Variants in NKAIN3 observed in about 807,000 individuals in gnomAD.
The protein encoded by NKAIN3 is sodium/potassium-transporting ATPase subunit beta-1-interacting protein 3.
A neutral mutation model predicts 30.2 loss-of-function variants in NKAIN3; 25 were observed. The observed-to-expected ratio is 0.83, with a 90% confidence interval of 0.60 to 1.16. The LOEUF is 1.16. Among genes scored for constraint, NKAIN3 ranks in the 50% most tolerant of loss-of-function variants. The pLI is 0.00. For synonymous variants in NKAIN3, 91 were observed against 89.6 expected, an observed-to-expected ratio of 1.02 and a Z score of -0.09; for missense variants, 225 against 254.1, an observed-to-expected ratio of 0.89 and a Z score of 0.78.
chr8:62,842,987 A>G (rs1303842694), intron 4 of NKAIN3, among the ~76,000 whole-genome samples: 1 of 152,124 alleles, frequency 6.6e-6, no homozygotes, highest in African/African-American at 2.4e-5. Flanking sequence ...CAAAAGCACA[A>G]ATAGACAAAT....
At chr8:62,822,718 T>A (rs1463653271) in intron 4 of NKAIN3, among the ~76,000 whole-genome samples, 1 of 152,196 alleles carries the variant, frequency 6.6e-6, no homozygotes, top group Non-Finnish European at 1.5e-5. Context: ...CTTAGGGGAC[T>A]TCCTTTTGCC....
chr8:62,722,094 T>C (rs923800235), intron 3 of NKAIN3, among the ~76,000 whole-genome samples: 2 of 152,196 alleles, frequency 1.3e-5, no homozygotes, highest in East Asian at 3.9e-4. Flanking sequence ...GTTTTAAGAT[T>C]AGCCACTATC....
intron 4 of NKAIN3, among the ~76,000 whole-genome samples, chr8:62,787,587 G>C (rs1817563512): frequency 6.6e-6 from 1 of 152,110 alleles, no homozygotes; most frequent in Admixed American, 6.5e-5. Flanking sequence ...GTGCAGATTT[G>C]TTACATATGT....
rs1256706854 is a variant in NKAIN3 at position 62,966,059 on chromosome 8, A to G, written c.*652A>G. 4 of 983,694 alleles carry G rather than the reference A, an allele frequency of 4.1e-6. No homozygotes were observed. Among genetic ancestry groups the G allele is most frequent in the Non-Finnish European group, 4.8e-6 (4 of 828,354 alleles). The allele number at this position is 983,694 out of a possible 1,614,324, so 60.9% of individuals were successfully genotyped here. ...CTGATATATATATATATGTAGGCAC[A>G]TGGAAGAGTAAAAGGATTAGTAGAA... On this transcript the variant is annotated 3_prime_UTR_variant, in exon 7 of 7. Transcript: ENST00000623646.
rs551780297 is a variant in NKAIN3, at chr8:62,681,788, G to A, written c.274-65144G>A. The stretch of plus-strand genomic sequence containing the variant: ...ATATTGGTCATGCCGCTTTATAAAT[G>A]TATAATCTTGAGTAATTATTTAAAC... On this transcript the variant is annotated intron_variant, in intron 3 of 6. Transcript: ENST00000623646. 1.1e-4 allele frequency among the ~76,000 whole-genome samples: 17 copies of A among 152,252 alleles called. No homozygotes were observed. In the East Asian group the frequency reaches 2.5e-3, roughly 22 times the overall value.
intron 6 of NKAIN3, among the ~76,000 whole-genome samples, chr8:62,956,812 G>A (rs72656530): frequency 0.023 from 3,498 of 150,658 alleles, 54 homozygotes; most frequent in South Asian, 0.033. Flanking sequence ...AGCAGCCAAT[G>A]ATCTAGGAGG....
rs1823744303 is a variant in NKAIN3 at position 62,967,776 on chromosome 8, C to T, written c.*2369C>T. Reference sequence around the variant, plus strand: ...AGTATTGACATATTTTAAACTGTCACTTAATTACCCCCACACATACACATG... The same window carrying T: ...AGTATTGACATATTTTAAACTGTCATTTAATTACCCCCACACATACACATG... On this transcript the variant is annotated 3_prime_UTR_variant, in exon 7 of 7. Transcript: ENST00000623646. Among the ~76,000 whole-genome samples, 2 of 152,156 alleles carry T rather than the reference C, an allele frequency of 1.3e-5. No individual in the cohort carries two copies. Among genetic ancestry groups the T allele is most frequent in the South Asian group, 4.1e-4 (2 of 4,828 alleles).
intron 1 of NKAIN3, among the ~76,000 whole-genome samples, chr8:62,466,953 G>T (rs1806182170): frequency 6.6e-6 from 1 of 152,110 alleles, no homozygotes; most frequent in African/African-American, 2.4e-5. Flanking sequence ...ACATTTGCTT[G>T]CTTAAATTTC....
chr8:62,709,419 G>C (rs1054648706), intron 3 of NKAIN3, among the ~76,000 whole-genome samples: 1 of 151,820 alleles, frequency 6.6e-6, no homozygotes, highest in Non-Finnish European at 1.5e-5. Flanking sequence ...GTCTCTTCAG[G>C]GTATCCAATT....
chr8:62,478,784 AC>A (rs1362812984), intron 1 of NKAIN3, among the ~76,000 whole-genome samples: 1 of 152,170 alleles, frequency 6.6e-6, no homozygotes, highest in Non-Finnish European at 1.5e-5. Context: ...GGGGTTGCTG[AC>A]CCGTATTTTT....
intron 4 of NKAIN3, among the ~76,000 whole-genome samples, chr8:62,824,219 G>A (rs193294551): frequency 6.6e-6 from 1 of 152,158 alleles, no homozygotes; most frequent in Non-Finnish European, 1.5e-5. Flanking sequence ...TTCCGTGAAA[G>A]TATCTGAGCA....
intron 1 of NKAIN3, among the ~76,000 whole-genome samples, chr8:62,384,494 C>A (rs1817366051): frequency 6.6e-6 from 1 of 152,024 alleles, no homozygotes; most frequent in Non-Finnish European, 1.5e-5. Context: ...CTAACTTTTT[C>A]TTAATTTTTT....
intron 4 of NKAIN3, among the ~76,000 whole-genome samples, chr8:62,853,683 G>A (rs1021337478): frequency 6.6e-6 from 1 of 152,052 alleles, no homozygotes; most frequent in East Asian, 1.9e-4. Context: ...GATTTTTGAA[G>A]GGTTTTTCAT....
intron 4 of NKAIN3, among the ~76,000 whole-genome samples, chr8:62,758,818 G>C (rs1816542896): frequency 6.6e-6 from 1 of 152,164 alleles, no homozygotes; most frequent in South Asian, 2.1e-4. Flanking sequence ...GGTCCCTATT[G>C]CAATGACTGA....
intron 4 of NKAIN3, among the ~76,000 whole-genome samples, chr8:62,764,289 G>C (rs1816767287): frequency 6.6e-6 from 1 of 152,088 alleles, no homozygotes; most frequent in Admixed American, 6.6e-5. Context: ...AATAATGTGA[G>C]GTAGGCTTTA....
chr8:62,935,267 T>A (rs1002390047), intron 5 of NKAIN3, among the ~76,000 whole-genome samples: 1 of 152,158 alleles, frequency 6.6e-6, no homozygotes, highest in South Asian at 2.1e-4. Flanking sequence ...CATTATGTAA[T>A]CCTACATTAG....
In NKAIN3 at chr8:62,880,483, G is replaced by A. The variant is rs1439729844; in HGVS notation, c.472-37970G>A. Among the ~76,000 whole-genome samples, 4 of 152,316 alleles carry A rather than the reference G, an allele frequency of 2.6e-5. No individual in the cohort carries two copies. In the East Asian group the frequency reaches 7.7e-4, roughly 29 times the overall value. On this transcript the variant is annotated intron_variant, in intron 4 of 6. Transcript: ENST00000623646. ...CTGGGCCCAAAACTTAGCATGAAGT[G>A]AAGGGGCTTACATCTTTTTACAACA...
chr8:62,691,414 T>C (rs1813963036), intron 3 of NKAIN3, among the ~76,000 whole-genome samples: 1 of 152,020 alleles, frequency 6.6e-6, no homozygotes, highest in African/African-American at 2.4e-5. Context: ...GGCTGAGCGC[T>C]AGGGTGGCTG....
intron 1 of NKAIN3, among the ~76,000 whole-genome samples, chr8:62,506,476 C>CTTTTT (rs71255341): frequency 0.023 from 2,235 of 98,476 alleles, 164 homozygotes; most frequent in African/African-American, 0.083. Flanking sequence ...TTCTTTCTTT[C>CTTTTT]TTTTTTTTTT....
Sources: allele counts gnomAD v4.1 joint callset (sites outside exome capture counted in the v4.1 genomes callset), GRCh38; gene constraint gnomAD v4.1.1; transcripts MANE v1.5; gene names NCBI Gene and HGNC (gene_info 2026-07-23, HGNC 2026-07-21).